Variants in JAZF1 observed in about 807,000 individuals in gnomAD.
JAZF1 encodes JAZF zinc finger 1, also known as juxtaposed with another zinc finger protein 1.
A neutral mutation model predicts 26.4 loss-of-function variants in JAZF1; 8 were observed. That is an observed-to-expected ratio of 0.30 (90% CI 0.18 to 0.55). JAZF1 has a LOEUF of 0.55. JAZF1 is among the 20% of genes least tolerant of loss of function. JAZF1 has a pLI of 0.94. For missense variants in JAZF1, 199 were observed against 322.0 expected (o/e 0.62, Z 2.92); for synonymous variants, 126 against 122.3 (o/e 1.03, Z -0.20).
At chr7:28,022,775 T>C (rs989408512) in intron 1 of JAZF1, among the ~76,000 whole-genome samples, 2 of 152,198 alleles carry the variant, frequency 1.3e-5, no homozygotes, top group African/African-American at 4.8e-5. Flanking sequence ...TGTTTGTTTG[T>C]TTTGAGATGG....
At chr7:27,985,310 G>A (rs1205789871) in intron 2 of JAZF1, among the ~76,000 whole-genome samples, 2 of 152,172 alleles carry the variant, frequency 1.3e-5, no homozygotes, top group East Asian at 3.8e-4. Flanking sequence ...TACCATCAGA[G>A]AATACTATAA....
chr7:27,861,792 A>C (rs1164665114), intron 3 of JAZF1, among the ~76,000 whole-genome samples: 3 of 152,206 alleles, frequency 2.0e-5, no homozygotes, highest in Admixed American at 2.0e-4. Flanking sequence ...AGGTGGGTCT[A>C]TCAAATGGTG....
chr7:27,914,558 T>C (rs1784413642), intron 2 of JAZF1, among the ~76,000 whole-genome samples: 1 of 152,192 alleles, frequency 6.6e-6, no homozygotes, highest in Admixed American at 6.5e-5. Context: ...GATTTTCTCA[T>C]GCCTTCAGCA....
At chr7:27,912,901 G>A (rs138762419) in intron 2 of JAZF1, among the ~76,000 whole-genome samples, 45 of 152,276 alleles carry the variant, frequency 3.0e-4, no homozygotes, top group Middle Eastern at 3.4e-3. Context: ...GTCATCACTC[G>A]TGATGGTGGC....
At chr7:27,919,366 G>A (rs1360214666) in intron 2 of JAZF1, among the ~76,000 whole-genome samples, 5 of 152,076 alleles carry the variant, frequency 3.3e-5, no homozygotes, top group African/African-American at 1.2e-4. Flanking sequence ...GGGAAAATTT[G>A]GAGAAATAAA....
chr7:28,141,433 G>A (rs568922342), intron 1 of JAZF1, among the ~76,000 whole-genome samples: 1 of 152,276 alleles, frequency 6.6e-6, no homozygotes, highest in East Asian at 1.9e-4. Flanking sequence ...ACTCAAGCCA[G>A]GCCAGTTTTC....
At chr7:28,026,354 C>T (rs552028375) in intron 1 of JAZF1, among the ~76,000 whole-genome samples, 1 of 152,280 alleles carries the variant, frequency 6.6e-6, no homozygotes, top group South Asian at 2.1e-4. Context: ...CTACAATATC[C>T]TTCTCAAAAG....
intron 2 of JAZF1, among the ~76,000 whole-genome samples, chr7:27,915,178 TTGAG>T (rs779304462): frequency 1.3e-5 from 2 of 152,344 alleles, no homozygotes; most frequent in South Asian, 2.1e-4. Flanking sequence ...CTGGATTTTA[TTGAG>T]TAATTATAAA....
intron 2 of JAZF1, among the ~76,000 whole-genome samples, chr7:27,925,146 A>G (rs1477641700): frequency 6.6e-6 from 1 of 152,216 alleles, no homozygotes; most frequent in Non-Finnish European, 1.5e-5. Flanking sequence ...GGTGGTAACT[A>G]TCACTGAGGA....
At chr7:27,916,067 G>C (rs1488311516) in intron 2 of JAZF1, among the ~76,000 whole-genome samples, 2 of 152,156 alleles carry the variant, frequency 1.3e-5, no homozygotes, top group African/African-American at 2.4e-5. Flanking sequence ...GGAGGCCTCA[G>C]AGGGCCTTAC....
At chr7:27,915,508 T>C (rs1374891357) in intron 2 of JAZF1, among the ~76,000 whole-genome samples, 1 of 152,238 alleles carries the variant, frequency 6.6e-6, no homozygotes, top group Non-Finnish European at 1.5e-5. Flanking sequence ...ATTCCAGGTA[T>C]CATATAACAA....
intron 1 of JAZF1, among the ~76,000 whole-genome samples, chr7:28,035,079 G>C (rs1783262331): frequency 6.6e-6 from 1 of 151,988 alleles, no homozygotes; most frequent in South Asian, 2.1e-4. Context: ...CACTTTGGGA[G>C]TCCGAGGCAA....
intron 1 of JAZF1, among the ~76,000 whole-genome samples, chr7:28,074,193 TAAA>T (rs1271276745): frequency 6.6e-6 from 1 of 152,156 alleles, no homozygotes; most frequent in Non-Finnish European, 1.5e-5. Flanking sequence ...CCAAATAAGT[TAAA>T]AAAGTCAGTG....
chr7:28,054,973 C>G (rs1174424864), intron 1 of JAZF1, among the ~76,000 whole-genome samples: 2 of 152,054 alleles, frequency 1.3e-5, no homozygotes, highest in Non-Finnish European at 2.9e-5. Flanking sequence ...TGGCAATGTG[C>G]TCTATCTCGA....
At chr7:28,149,358 G>A (rs79899827) in intron 1 of JAZF1, among the ~76,000 whole-genome samples, 8,797 of 152,162 alleles carry the variant, frequency 0.058, 766 homozygotes, top group African/African-American at 0.19. Flanking sequence ...AGACGTCCAT[G>A]GAGAAAGAAA....
intron 1 of JAZF1, among the ~76,000 whole-genome samples, chr7:28,039,258 T>C (rs1014339084): frequency 6.6e-6 from 1 of 152,104 alleles, no homozygotes; most frequent in African/African-American, 2.4e-5. Context: ...CACACGCACA[T>C]GCGCACGTGC....
At chr7:28,151,561 G>A (rs1783112434) in intron 1 of JAZF1, among the ~76,000 whole-genome samples, 1 of 151,850 alleles carries the variant, frequency 6.6e-6, no homozygotes, top group Non-Finnish European at 1.5e-5. Flanking sequence ...AGCACTTTGG[G>A]AGGCCAAGGC....
intron 1 of JAZF1, among the ~76,000 whole-genome samples, chr7:28,134,912 C>T (rs1257397357): frequency 1.3e-5 from 2 of 152,152 alleles, no homozygotes; most frequent in African/African-American, 4.8e-5. Context: ...CTGATTCCTG[C>T]TACCTCCCGA....
chr7:27,895,225 G>T lies in JAZF1; in HGVS notation c.380C>A (p.Pro127Gln). ...GGTAGGGCCAGGCCACTCACCTGTC[G>T]GAGTGCTGCTGCGGAATGAAGAGGA... ...TPSSSFRSSTPTGSEYDEEEV... is the reference protein window; with the variant it reads ...TPSSSFRSSTQTGSEYDEEEV... The change falls in exon 3 of 5, where the codon CCG becomes CAG. Residue 127 changes from proline to glutamine, a missense_variant. Pro to Gln is a moderately conservative substitution (Grantham distance 76). Transcript: ENST00000283928. 1 of 1,595,982 alleles carries T rather than the reference G, an allele frequency of 6.3e-7. No individual in the cohort carries two copies.
Sources: allele counts gnomAD v4.1 joint callset (sites outside exome capture counted in the v4.1 genomes callset), GRCh38; gene constraint gnomAD v4.1.1; transcripts MANE v1.5; gene names NCBI Gene and HGNC (gene_info 2026-07-23, HGNC 2026-07-21).